MALRD1: variants seen among roughly 807,000 people sequenced by gnomAD.
MALRD1 encodes MAM and LDL-receptor class A domain-containing protein 1.
A neutral mutation model predicts 242.1 loss-of-function variants in MALRD1; 247 were observed. That is an observed-to-expected ratio of 1.02 (90% CI 0.92 to 1.13). MALRD1 has a LOEUF of 1.13. MALRD1 is among the 50% of genes most tolerant of loss of function. The probability of loss-of-function intolerance (pLI) is 0.00; values close to 1 mark genes in which losing one functional copy is unlikely to be tolerated. For missense variants in MALRD1, 2,989 were observed against 2,533.1 expected (o/e 1.18, Z -3.86); for synonymous variants, 995 against 866.6 (o/e 1.15, Z -2.60).
rs1394576219 is a variant in MALRD1 at position 19,474,328 on chromosome 10, A to T, written c.5030-17189A>T. ...GTACATATACAGTTATAAATATAGA[A>T]ACATTTGTAAATTTATCCTATTTCC... is the stretch of plus-strand genomic sequence containing the variant. On this transcript the variant is annotated intron_variant, in intron 29 of 39. Coordinates refer to ENST00000454679, the MANE Select transcript of MALRD1 (RefSeq NM_001142308.3). Among the ~76,000 whole-genome samples, 3 of 152,164 alleles carry T rather than the reference A, an allele frequency of 2.0e-5. No individual in the cohort carries two copies. In the East Asian group the frequency reaches 5.8e-4, roughly 29 times the overall value.
intron 9 of MALRD1, among the ~76,000 whole-genome samples, 158 bp downstream of exon 9, chr10:19,134,106 C>T (rs1833228621): frequency 6.6e-6 from 1 of 152,042 alleles, no homozygotes; most frequent in African/African-American, 2.4e-5. Flanking sequence ...TTAAATTGTA[C>T]CTTTTCCTTC....
chr10:19,428,127 G>A (rs1027065965), intron 28 of MALRD1, among the ~76,000 whole-genome samples: 5 of 151,804 alleles, frequency 3.3e-5, no homozygotes, highest in Admixed American at 2.6e-4. Flanking sequence ...TGCTGCCTTA[G>A]TTTCTCCTTG....
At chr10:19,375,945 A>G (rs1456773690) in intron 26 of MALRD1, among the ~76,000 whole-genome samples, 2 of 152,186 alleles carry the variant, frequency 1.3e-5, no homozygotes, top group Non-Finnish European at 2.9e-5. Flanking sequence ...AGTGTGGTGA[A>G]ACCATGTCTC....
In MALRD1 at chr10:19,352,855, A is replaced by G. The variant is rs1844453608; in HGVS notation, c.4441+558A>G. On this transcript the variant is annotated intron_variant, in intron 26 of 39. Transcript: ENST00000454679. ...TTGGCAGATGTTCAGTATAATTCCT[A>G]CAGATACAATGTTGTAAGTAGTAGA... 2.6e-5 allele frequency among the ~76,000 whole-genome samples: 4 copies of G among 152,166 alleles called. No homozygotes were observed. The South Asian group carries it at 6.2e-4, about 24-fold the overall frequency.
intron 4 of MALRD1, among the ~76,000 whole-genome samples, chr10:19,096,856 G>A (rs953354124): frequency 1.3e-5 from 2 of 152,098 alleles, no homozygotes; most frequent in East Asian, 1.9e-4. Flanking sequence ...AGCTTAGCAC[G>A]GGCTTTGGAG....
At chr10:19,582,470 T>G (rs1329626337) in intron 33 of MALRD1, among the ~76,000 whole-genome samples, 2 of 143,672 alleles carry the variant, frequency 1.4e-5, no homozygotes, top group Admixed American at 1.4e-4. Flanking sequence ...CACCATTTAT[T>G]AACTAGGGAA....
At chr10:19,572,560 T>C (rs1836614994) in intron 33 of MALRD1, among the ~76,000 whole-genome samples, 2 of 152,166 alleles carry the variant, frequency 1.3e-5, no homozygotes. Flanking sequence ...ATTATTTCCA[T>C]AGAGAAGTTG....
chr10:19,263,531 T>C (rs2131825664), intron 19 of MALRD1, among the ~76,000 whole-genome samples: 1 of 152,290 alleles, frequency 6.6e-6, no homozygotes, highest in Admixed American at 6.5e-5. Flanking sequence ...TTGAGTTGTA[T>C]AAGTTTCTTA....
intron 36 of MALRD1, among the ~76,000 whole-genome samples, chr10:19,618,725 C>T (rs1019869706): frequency 1.2e-4 from 19 of 152,102 alleles, no homozygotes; most frequent in South Asian, 4.1e-4. Flanking sequence ...ATTAAAAAGG[C>T]ACTTTAACCT....
intron 6 of MALRD1, among the ~76,000 whole-genome samples, chr10:19,124,043 CAAAAAA>C (rs71387044): frequency 1.1e-5 from 1 of 87,286 alleles, no homozygotes; most frequent in East Asian, 3.1e-4. Context: ...TCATCTCTAC[CAAAAAA>C]AAAAAAAAAA....
At chr10:19,227,950 G>A (rs1382035957) in intron 18 of MALRD1, among the ~76,000 whole-genome samples, 1 of 152,174 alleles carries the variant, frequency 6.6e-6, no homozygotes, top group Non-Finnish European at 1.5e-5. Context: ...GCTGACACGG[G>A]CAGAACTGAC....
intron 14 of MALRD1, among the ~76,000 whole-genome samples, chr10:19,193,607 G>A (rs1384784730): frequency 6.6e-6 from 1 of 152,046 alleles, no homozygotes; most frequent in African/African-American, 2.4e-5. Context: ...CAAGACATGG[G>A]AATATTAATG....
At chr10:19,291,746 CAAAAT>C (rs1841438008) in intron 21 of MALRD1, among the ~76,000 whole-genome samples, 1 of 150,958 alleles carries the variant, frequency 6.6e-6, no homozygotes, top group Non-Finnish European at 1.5e-5. Flanking sequence ...TTTAAAAAAA[CAAAAT>C]AAGAAAGAAA....
At chr10:19,299,257 C>T (rs1841840495) in intron 21 of MALRD1, among the ~76,000 whole-genome samples, 1 of 151,934 alleles carries the variant, frequency 6.6e-6, no homozygotes, top group South Asian at 2.1e-4. Context: ...GGGCGCTTCA[C>T]ATGATAAGTG....
At chr10:19,657,604 T>C (rs1218491328) in intron 36 of MALRD1, among the ~76,000 whole-genome samples, 1 of 152,096 alleles carries the variant, frequency 6.6e-6, no homozygotes, top group Non-Finnish European at 1.5e-5. Context: ...ATGGGACACA[T>C]GAAATATTTT....
intron 18 of MALRD1, among the ~76,000 whole-genome samples, chr10:19,239,081 A>G (rs1327397513): frequency 6.1e-5 from 9 of 148,048 alleles, no homozygotes; most frequent in African/African-American, 2.0e-4. Flanking sequence ...TTTTTTGAGA[A>G]GGAGTCTTGC....
intron 28 of MALRD1, among the ~76,000 whole-genome samples, chr10:19,428,512 C>G (rs1833989524): frequency 6.6e-6 from 1 of 152,050 alleles, no homozygotes. Flanking sequence ...TCTTTTCCTT[C>G]ATAAACACCA....
chr10:19,364,669 A>G (rs184840764), intron 26 of MALRD1, among the ~76,000 whole-genome samples: 2 of 152,270 alleles, frequency 1.3e-5, no homozygotes, highest in Non-Finnish European at 2.9e-5. Flanking sequence ...GAAACAACAC[A>G]TTACATTTCT....
chr10:19,570,428 A>C (rs955456758), intron 33 of MALRD1, among the ~76,000 whole-genome samples: 3 of 152,054 alleles, frequency 2.0e-5, no homozygotes, highest in African/African-American at 7.2e-5. Context: ...TTTGAAGTAA[A>C]CTCAAATCTA....
Sources: allele counts gnomAD v4.1 joint callset (sites outside exome capture counted in the v4.1 genomes callset), GRCh38; gene constraint gnomAD v4.1.1; transcripts MANE v1.5; gene names NCBI Gene and HGNC (gene_info 2026-07-23, HGNC 2026-07-21).